TRPA1: variants seen among roughly 807,000 people sequenced by gnomAD.
The protein encoded by TRPA1 is transient receptor potential cation channel subfamily A member 1, also known as ankyrin-like with transmembrane domains 1.
A neutral mutation model predicts 131.3 loss-of-function variants in TRPA1; 129 were observed. The observed-to-expected ratio is 0.98, with a 90% CI of 0.85 to 1.14. The LOEUF (loss-of-function observed/expected upper bound fraction) is 1.14. Ranked by LOEUF, TRPA1 falls within the 50% of genes most tolerant of loss-of-function variation. The pLI is 0.00. For synonymous variants in TRPA1, 441 were observed against 451.7 expected, an observed-to-expected ratio of 0.98 and a Z score of 0.30; for missense variants, 1,304 against 1,354.2, an observed-to-expected ratio of 0.96 and a Z score of 0.58.
At chr8:72,084,300 T>C in the TRPA1 span, among the ~76,000 whole-genome samples, 1 of 152,248 alleles carries the variant, frequency 6.6e-6, no homozygotes, top group African/African-American at 2.4e-5. Context: ...AATAATCCAT[T>C]TCATAAACAT....
the TRPA1 span, among the ~76,000 whole-genome samples, chr8:72,084,685 T>C: frequency 1.4e-5 from 2 of 139,328 alleles, no homozygotes; most frequent in Non-Finnish European, 3.1e-5. Flanking sequence ...AGGGTCTAGC[T>C]CTGTTTCCCA....
chr8:72,089,970 C>T, the TRPA1 span, among the ~76,000 whole-genome samples: 1 of 152,002 alleles, frequency 6.6e-6, no homozygotes. Context: ...AAATTGACAT[C>T]CTGTTTCTGA....
intron 24 of TRPA1, 85 bp downstream of exon 24, chr8:72,029,816 C>T (rs1339613637): frequency 2.5e-5 from 32 of 1,294,418 alleles, no homozygotes; most frequent in Non-Finnish European, 3.2e-5. Context: ...CTACAAAATG[C>T]CCATTTTTGA....
In TRPA1 at chr8:72,029,989, T is replaced by G; in HGVS notation, c.2869-20A>C. 6.2e-7 allele frequency: 1 copy of G among 1,608,482 alleles called. No individual in the cohort carries two copies. The highest frequency in any genetic ancestry group is 8.5e-7 in the Non-Finnish European group (1 of 1,174,932). On this transcript the variant is annotated intron_variant, in intron 23 of 26. Coordinates refer to ENST00000262209, the MANE Select transcript of TRPA1 (RefSeq NM_007332.3). ...ACCAATCTGAAGTATGACACAAAATTAAATCACTACAGTTGAATGGTCCAC... is the reference window on the plus strand; with the variant it reads ...ACCAATCTGAAGTATGACACAAAATGAAATCACTACAGTTGAATGGTCCAC...
At chr8:72,072,822 G>A (rs563386882) in intron 1 of TRPA1, among the ~76,000 whole-genome samples, 8 of 152,264 alleles carry the variant, frequency 5.3e-5, no homozygotes, top group African/African-American at 1.9e-4. Flanking sequence ...CACAAACCCA[G>A]TTCCACACTC....
intron 17 of TRPA1, among the ~76,000 whole-genome samples, chr8:72,045,260 G>A (rs990311219): frequency 3.3e-5 from 5 of 151,874 alleles, no homozygotes; most frequent in African/African-American, 1.2e-4. Context: ...TGCTCAGTAA[G>A]CCTTGTAGGT....
intron 9 of TRPA1, among the ~76,000 whole-genome samples, 186 bp from the exon 10 acceptor site, chr8:72,057,203 G>A (rs1381118893): frequency 6.6e-6 from 1 of 152,168 alleles, no homozygotes; most frequent in African/African-American, 2.4e-5. Flanking sequence ...CTCTGTGTGT[G>A]TGTGTGTCTG....
intron 4 of TRPA1, 98 bp downstream of exon 4, chr8:72,065,353 C>A (rs1479075855): frequency 7.9e-6 from 9 of 1,146,300 alleles, no homozygotes; most frequent in Non-Finnish European, 1.1e-5. Context: ...TTATATTTTT[C>A]TAAGGAGAAA....
At chr8:72,062,724 A>T in intron 6 of TRPA1, 75 bp downstream of exon 6, 1 of 1,426,916 alleles carries the variant, frequency 7.0e-7, no homozygotes, top group South Asian at 1.2e-5. Flanking sequence ...AATTAACTGT[A>T]AAAGAGCTAT....
chr8:72,023,152 A>G, intron 26 of TRPA1, 36 bp from the exon 27 acceptor site: 4 of 1,592,942 alleles, frequency 2.5e-6, no homozygotes, highest in South Asian at 1.1e-5. Flanking sequence ...ATTTATTTTC[A>G]GTTCTTCTTT....
At chr8:72,069,544 G>A (rs1585890796) in intron 2 of TRPA1, among the ~76,000 whole-genome samples, 2 of 152,110 alleles carry the variant, frequency 1.3e-5, no homozygotes, top group African/African-American at 4.8e-5. Context: ...CAGGCACTCT[G>A]CTAAGTTCAC....
At chr8:72,034,400 A>T in intron 21 of TRPA1, 23 bp from the exon 22 acceptor site, 9 of 1,343,008 alleles carry the variant, frequency 6.7e-6, no homozygotes, top group Admixed American at 2.0e-5. Flanking sequence ...AAAAAAAAAA[A>T]TTTACTCACT....
At position 72,053,825 on chromosome 8, in the gene TRPA1, G is replaced by T; in HGVS notation, c.1572C>A (p.Gly524=). The T allele has an allele frequency of 6.2e-7, 1 of 1,612,160 alleles. No homozygotes were observed. The highest frequency in any genetic ancestry group is 8.5e-7 in the Non-Finnish European group (1 of 1,179,742). The change falls in exon 13 of 27, where the codon GGC becomes GGA. Residue 524 remains glycine, a synonymous_variant. Transcript: ENST00000262209. ...TGACCTTCATGGTCTGAGTGTACCC[G>T]CCCATGGACGCATGATGCAAAGCTG... ...GWTALHHASM[G]GYTQTMKVIL... is the part of the protein sequence containing the mutation.
chr8:72,062,610 G>A (rs1471115396), intron 6 of TRPA1, among the ~76,000 whole-genome samples, 189 bp downstream of exon 6: 2 of 152,052 alleles, frequency 1.3e-5, no homozygotes, highest in Non-Finnish European at 2.9e-5. Flanking sequence ...TTGTTTTGGG[G>A]AGCTCTGAAA....
intron 17 of TRPA1, among the ~76,000 whole-genome samples, chr8:72,043,311 G>A (rs540665195): frequency 1.3e-5 from 2 of 151,730 alleles, no homozygotes; most frequent in South Asian, 2.1e-4. Context: ...TTGTATTTAC[G>A]TTTTTACTCA....
intron 25 of TRPA1, among the ~76,000 whole-genome samples, chr8:72,024,593 G>A (rs1032364183): frequency 6.6e-6 from 1 of 152,144 alleles, no homozygotes; most frequent in Non-Finnish European, 1.5e-5. Flanking sequence ...GTTGCAAGGA[G>A]GAACCAGGAC....
chr8:72,049,249 C>G (rs1237326598), intron 15 of TRPA1, among the ~76,000 whole-genome samples: 1 of 152,152 alleles, frequency 6.6e-6, no homozygotes, highest in African/African-American at 2.4e-5. Flanking sequence ...AACCATTATC[C>G]TTAGCACTTT....
chr8:72,071,565 T>C, intron 2 of TRPA1, 146 bp downstream of exon 2: 4 of 840,324 alleles, frequency 4.8e-6, no homozygotes, highest in Non-Finnish European at 7.5e-6. Flanking sequence ...AGTGCTGGTG[T>C]GTAGGAAAAC....
At chr8:72,064,816 G>C (rs1345498749) in intron 4 of TRPA1, among the ~76,000 whole-genome samples, 1 of 63,490 alleles carries the variant, frequency 1.6e-5, no homozygotes. Context: ...CTCAGATGGA[G>C]CACTGAGGAA....
Sources: gnomAD v4.1 joint callset for allele counts (sites outside exome capture counted in the v4.1 genomes callset) on GRCh38, gnomAD v4.1.1 for gene constraint, MANE v1.5 for transcripts, NCBI Gene and HGNC (gene_info 2026-07-23, HGNC 2026-07-21) for gene names.